PLEKHA3: variants seen among roughly 807,000 people sequenced by gnomAD.
PLEKHA3 encodes pleckstrin homology domain containing A3.
PLEKHA3 carries 19 observed loss-of-function variants against 39.2 expected under a neutral mutation model. That is an observed-to-expected ratio of 0.48 (90% CI 0.34 to 0.71). The LOEUF (loss-of-function observed/expected upper bound fraction) is 0.71, where lower values mean the gene tolerates loss of function less well. Among genes scored for constraint, PLEKHA3 ranks in the 30% least tolerant of loss-of-function variants. PLEKHA3 has a pLI of 0.01. For synonymous variants in PLEKHA3, 97 were observed against 118.6 expected (o/e 0.82, Z 1.18); for missense variants, 253 against 359.5 (o/e 0.70, Z 2.40).
chr2:178,508,141 A>G lies in PLEKHA3; in HGVS notation c.*4254A>G, dbSNP rs966041307. On this transcript the variant is annotated 3_prime_UTR_variant, in exon 8 of 8. Coordinates refer to ENST00000234453, the MANE Select transcript of PLEKHA3 (RefSeq NM_019091.4). ...ATTTTCTTTGTTCTATCTTTCTAGA[A>G]TTTCTGTTATTTGAATGTTGGACCT... 18 of 149,978 alleles carry G rather than the reference A, an allele frequency of 1.2e-4. No homozygotes were observed. Among genetic ancestry groups the G allele is most frequent in the African/African-American group, 4.5e-4 (18 of 40,094 alleles). The allele number at this position is 149,978 out of a possible 1,614,324, so 9.3% of individuals were successfully genotyped here. A position where few individuals can be genotyped will look rare whatever the true frequency, so the allele number is the denominator to read the frequency against.
At position 178,507,733 on chromosome 2, in the gene PLEKHA3, G is replaced by A. The variant is rs745422814; in HGVS notation, c.*3846G>A. ...CACCAGTAACTTCCTAAGAAAAGGT[G>A]CATAGAAAGTAAAGATTTTAAGGCT... On this transcript the variant is annotated 3_prime_UTR_variant, in exon 8 of 8. Coordinates refer to ENST00000234453, the MANE Select transcript of PLEKHA3 (RefSeq NM_019091.4). 2.3e-5 allele frequency: 3 copies of A among 130,206 alleles called. No individual in the cohort carries two copies. The highest frequency in any genetic ancestry group is 4.7e-5 in the Non-Finnish European group (3 of 64,298). 8.1% of individuals were successfully genotyped at this position (130,206 alleles called of 1,614,324 possible).
chr2:178,501,273 T>A (rs1431331918), intron 7 of PLEKHA3, 97 bp downstream of exon 7: 17 of 843,216 alleles, frequency 2.0e-5, no homozygotes, highest in Non-Finnish European at 7.6e-6. Context: ...GACTGAACAT[T>A]GTACTTTGTT....
At chr2:178,501,722 T>C (rs1360795670) in intron 7 of PLEKHA3, among the ~76,000 whole-genome samples, 1 of 152,028 alleles carries the variant, frequency 6.6e-6, no homozygotes, top group South Asian at 2.1e-4. Context: ...TTTTAAATTT[T>C]TCTCTTCAGA....
At position 178,504,077 on chromosome 2, in the gene PLEKHA3, G is replaced by C; in HGVS notation, c.*190G>C. 5 of 486,790 alleles carry C rather than the reference G, an allele frequency of 1.0e-5. No homozygotes were observed. In the South Asian group the frequency reaches 2.0e-4, roughly 19 times the overall value. 30.2% of individuals were successfully genotyped at this position (486,790 alleles called of 1,614,324 possible). A position where few individuals can be genotyped will look rare whatever the true frequency, so the allele number is the denominator to read the frequency against. ...ATCTTTATATAGTTTGTTTGCAAGA[G>C]TATTTTCCTAATAACTTCACAGTAT... is the stretch of plus-strand genomic sequence containing the variant. On this transcript the variant is annotated 3_prime_UTR_variant, in exon 8 of 8. Transcript: ENST00000234453.
At chr2:178,501,031 A>G (rs780894561) in intron 6 of PLEKHA3, 30 bp from the exon 7 acceptor site, 1 of 1,453,684 alleles carries the variant, frequency 6.9e-7, no homozygotes, top group South Asian at 1.2e-5. Flanking sequence ...GTAAGGCCTT[A>G]CAATTTAATG....
chr2:178,513,958 G>A lies in PLEKHA3; in HGVS notation c.*10071G>A, dbSNP rs1198447014. 1 of 152,074 alleles carries A rather than the reference G, an allele frequency of 6.6e-6. No individual in the cohort carries two copies. Among genetic ancestry groups the A allele is most frequent in the Non-Finnish European group, 1.5e-5 (1 of 68,014 alleles). 9.4% of individuals were successfully genotyped at this position (152,074 alleles called of 1,614,324 possible). On this transcript the variant is annotated 3_prime_UTR_variant, in exon 8 of 8. Coordinates refer to ENST00000234453, the MANE Select transcript of PLEKHA3 (RefSeq NM_019091.4). ...TTCCAGTGGTATTTGTGGTCGCTAG[G>A]GGTTGCTGGGTTATCCAAGTGATTC...
In PLEKHA3 at chr2:178,514,030, T is replaced by A. The variant is rs75975584; in HGVS notation, c.*10143T>A. ...TCCTCGGGTGATTGTCCATAGCCTC[T>A]TGCAATGGTGCCTCATCTTGGGGAG... On this transcript the variant is annotated 3_prime_UTR_variant, in exon 8 of 8. Transcript: ENST00000234453. 5.3e-5 allele frequency: 8 copies of A among 152,150 alleles called. No individual in the cohort carries two copies. The highest frequency in any genetic ancestry group is 1.0e-4 in the Non-Finnish European group (7 of 68,024). 9.4% of individuals were successfully genotyped at this position (152,150 alleles called of 1,614,324 possible).
In PLEKHA3 at chr2:178,510,673, C is replaced by T. The variant is rs1380970754; in HGVS notation, c.*6786C>T. The T allele has an allele frequency of 2.0e-5, 3 of 153,800 alleles. No individual in the cohort carries two copies. The highest frequency in any genetic ancestry group is 2.9e-5 in the Non-Finnish European group (2 of 68,046). The allele number at this position is 153,800 out of a possible 1,614,324, so 9.5% of individuals were successfully genotyped here. On this transcript the variant is annotated 3_prime_UTR_variant, in exon 8 of 8. Coordinates refer to ENST00000234453, the MANE Select transcript of PLEKHA3 (RefSeq NM_019091.4). ...TTGGAAGCGAGAGACTGAGCCCTAA[C>T]ATGCCAGTGCCTTATCTTGGATTTC...
intron 2 of PLEKHA3, 52 bp downstream of exon 2, chr2:178,485,809 C>T: frequency 7.6e-7 from 1 of 1,309,106 alleles, no homozygotes; most frequent in East Asian, 2.3e-5. Context: ...GTCAAGGGTT[C>T]TTCAGCATAC....
chr2:178,498,128 T>C (rs558807432), intron 5 of PLEKHA3, among the ~76,000 whole-genome samples: 4 of 152,306 alleles, frequency 2.6e-5, no homozygotes, highest in African/African-American at 9.6e-5. Flanking sequence ...TAAACTTGCA[T>C]TTAACTTTAT....
chr2:178,489,141 A>AG (rs1685303965), intron 2 of PLEKHA3: 1 of 304,432 alleles, frequency 3.3e-6, no homozygotes, highest in Non-Finnish European at 6.5e-6. Flanking sequence ...AGCAAGGAAG[A>AG]GTTACTCTTA....
Position 178,510,431 on chromosome 2 carries a change from C to A in PLEKHA3, c.*6544C>A, listed in dbSNP as rs889047571. The A allele has an allele frequency of 1.9e-5, 3 of 153,874 alleles. No individual in the cohort carries two copies. The highest frequency in any genetic ancestry group is 1.3e-4 in the Admixed American group (2 of 15,308). The allele number at this position is 153,874 out of a possible 1,614,324, so 9.5% of individuals were successfully genotyped here. Reference sequence around the variant, plus strand: ...ACCTACCGCCAGTAGATGTAATACTCTTAATACATGGAGTACAGAAATAGT... The same window carrying A: ...ACCTACCGCCAGTAGATGTAATACTATTAATACATGGAGTACAGAAATAGT... On this transcript the variant is annotated 3_prime_UTR_variant, in exon 8 of 8. Coordinates refer to ENST00000234453, the MANE Select transcript of PLEKHA3 (RefSeq NM_019091.4).
At chr2:178,496,443 G>C (rs1187379190) in intron 5 of PLEKHA3, among the ~76,000 whole-genome samples, 2 of 152,184 alleles carry the variant, frequency 1.3e-5, no homozygotes, top group Middle Eastern at 3.2e-3. Context: ...GCAATTACCT[G>C]AAGATCTATT....
At chr2:178,491,135 C>T (rs986831381) in intron 3 of PLEKHA3, among the ~76,000 whole-genome samples, 1 of 151,768 alleles carries the variant, frequency 6.6e-6, no homozygotes, top group Non-Finnish European at 1.5e-5. Flanking sequence ...CTCAGCTTCC[C>T]GAGTAGCTGG....
intron 7 of PLEKHA3, 87 bp downstream of exon 7, chr2:178,501,263 G>A (rs1685526174): frequency 1.1e-6 from 1 of 908,614 alleles, no homozygotes. Flanking sequence ...GAAGTATACT[G>A]ACTGAACATT....
chr2:178,500,824 C>T (rs1221123529), intron 6 of PLEKHA3, among the ~76,000 whole-genome samples: 1 of 152,078 alleles, frequency 6.6e-6, no homozygotes, highest in Non-Finnish European at 1.5e-5. Context: ...GTCACTACTT[C>T]TTCATTGTAC....
At position 178,505,570 on chromosome 2, in the gene PLEKHA3, T is replaced by TA. The variant is rs1297912385; in HGVS notation, c.*1683_*1684insA. The TA allele has an allele frequency of 6.6e-6, 1 of 151,478 alleles. No homozygotes were observed. The highest frequency in any genetic ancestry group is 1.9e-4 in the East Asian group (1 of 5,198). The allele number at this position is 151,478 out of a possible 1,614,324, so 9.4% of individuals were successfully genotyped here. A position where few individuals can be genotyped will look rare whatever the true frequency, so the allele number is the denominator to read the frequency against. ...AGGTTTTTCTTGTTTTTTTTTTTTTTTTAAATTTTGTAGTAAGAACTTGCA... is the reference window on the plus strand; with the variant it reads ...AGGTTTTTCTTGTTTTTTTTTTTTTTATTAAATTTTGTAGTAAGAACTTGCA... On this transcript the variant is annotated 3_prime_UTR_variant, in exon 8 of 8. Transcript: ENST00000234453.
chr2:178,494,214 T>A (rs986209511), intron 4 of PLEKHA3, among the ~76,000 whole-genome samples: 1 of 152,166 alleles, frequency 6.6e-6, no homozygotes, highest in African/African-American at 2.4e-5. Context: ...TCAAGGCTTG[T>A]CTTTGCAGCC....
At chr2:178,490,098 GGT>G (rs904980517) in intron 2 of PLEKHA3, among the ~76,000 whole-genome samples, 3 of 152,148 alleles carry the variant, frequency 2.0e-5, no homozygotes, top group Non-Finnish European at 4.4e-5. Flanking sequence ...CATCAAAGGA[GGT>G]GTGTGTGTGC....
Sources: allele counts gnomAD v4.1 joint callset (sites outside exome capture counted in the v4.1 genomes callset), GRCh38; gene constraint gnomAD v4.1.1; transcripts MANE v1.5; gene names NCBI Gene and HGNC (gene_info 2026-07-23, HGNC 2026-07-21).